SLC38A12: variants seen among roughly 807,000 people sequenced by gnomAD.
SLC38A12 encodes the protein solute carrier family 38 member 12.
the SLC38A12 span, among the ~76,000 whole-genome samples, chr17:74,779,545 C>G: frequency 6.6e-6 from 1 of 152,160 alleles, no homozygotes. Context: ...TTAACTCCCC[C>G]GTCCTGGAAC....
At chr17:74,801,610 C>T in the SLC38A12 span, among the ~76,000 whole-genome samples, 3 of 152,290 alleles carry the variant, frequency 2.0e-5, no homozygotes, top group Admixed American at 6.5e-5. Flanking sequence ...TGTGTTTCTT[C>T]CCCGCACCCC....
chr17:74,835,834 G>GCT, the SLC38A12 span: 1 of 1,505,860 alleles, frequency 6.6e-7, no homozygotes, highest in South Asian at 1.3e-5. Flanking sequence ...TTCTCACAGG[G>GCT]CTCTAGTCCC....
At chr17:74,785,495 A>T in the SLC38A12 span, 1 of 1,612,478 alleles carries the variant, frequency 6.2e-7, no homozygotes, top group Non-Finnish European at 8.5e-7. Flanking sequence ...GGGCTGGTGT[A>T]CATGTTTAAC....
the SLC38A12 span, among the ~76,000 whole-genome samples, chr17:74,833,475 AACCT>A: frequency 6.6e-6 from 1 of 152,206 alleles, no homozygotes; most frequent in Non-Finnish European, 1.5e-5. Flanking sequence ...TTTCTTTGGA[AACCT>A]ACTTTATAAA....
At chr17:74,777,690 C>T in the SLC38A12 span, 32 of 1,142,056 alleles carry the variant, frequency 2.8e-5, no homozygotes, top group Non-Finnish European at 3.4e-5. Context: ...GAGGCTGAAG[C>T]GGGCAGATCA....
chr17:74,829,916 C>T, the SLC38A12 span, among the ~76,000 whole-genome samples: 1 of 152,208 alleles, frequency 6.6e-6, no homozygotes, highest in Non-Finnish European at 1.5e-5. This position sits in a 1 kb window ranked among gnomAD's most constrained non-coding sequence, Gnocchi z 4.1. Flanking sequence ...CAAGGCAGCA[C>T]TGCCTGGGAG....
the SLC38A12 span, chr17:74,819,919 C>A: frequency 3.0e-6 from 4 of 1,343,228 alleles, no homozygotes; most frequent in Non-Finnish European, 3.2e-6. Flanking sequence ...AGAGGCCGTG[C>A]AGGGCCCCCA....
chr17:74,814,247 G>A, the SLC38A12 span, among the ~76,000 whole-genome samples: 41 of 149,230 alleles, frequency 2.7e-4, no homozygotes, highest in African/African-American at 9.7e-4. Context: ...GGGCATCCCA[G>A]GCCCCCTTCC....
At chr17:74,797,944 C>T in the SLC38A12 span, among the ~76,000 whole-genome samples, 1 of 152,232 alleles carries the variant, frequency 6.6e-6, no homozygotes. Flanking sequence ...TCCTTCCCCG[C>T]TGCCCCCTGG....
At chr17:74,809,815 C>A in the SLC38A12 span, among the ~76,000 whole-genome samples, 2 of 152,200 alleles carry the variant, frequency 1.3e-5, no homozygotes, top group African/African-American at 4.8e-5. Flanking sequence ...TCCAGGTTCC[C>A]CAGCATCAGA....
the SLC38A12 span, among the ~76,000 whole-genome samples, chr17:74,828,517 G>A: frequency 6.6e-6 from 1 of 152,194 alleles, no homozygotes; most frequent in Non-Finnish European, 1.5e-5. Context: ...TGAGCGGGCT[G>A]GGGGAGGGGG....
At chr17:74,791,020 C>A in the SLC38A12 span, 9 of 1,613,788 alleles carry the variant, frequency 5.6e-6, no homozygotes, top group South Asian at 9.9e-5. Context: ...AAATGGCCTC[C>A]ATGTTCTTCA....
chr17:74,790,305 TG>T, the SLC38A12 span: 4 of 1,613,514 alleles, frequency 2.5e-6, no homozygotes, highest in Non-Finnish European at 3.4e-6. Flanking sequence ...GCGTAAGTCT[TG>T]GGGTTCTCGC....
the SLC38A12 span, among the ~76,000 whole-genome samples, chr17:74,822,424 C>T: frequency 1.3e-5 from 2 of 152,340 alleles, no homozygotes; most frequent in Non-Finnish European, 2.9e-5. Context: ...ACAGTGGCCT[C>T]GAGAGAGGCT....
At chr17:74,789,845 CAAAAAAAA>C in the SLC38A12 span, among the ~76,000 whole-genome samples, 5 of 47,412 alleles carry the variant, frequency 1.1e-4, no homozygotes, top group Non-Finnish European at 2.1e-4. Flanking sequence ...AACTTCGTCT[CAAAAAAAA>C]AAAAAAAAAA....
the SLC38A12 span, among the ~76,000 whole-genome samples, chr17:74,817,420 G>C: frequency 0.023 from 3,463 of 152,258 alleles, 123 homozygotes; most frequent in African/African-American, 0.078. Context: ...TTCATTGCCA[G>C]TTCCCATGCT....
At chr17:74,817,056 G>A in the SLC38A12 span, among the ~76,000 whole-genome samples, 9 of 138,470 alleles carry the variant, frequency 6.5e-5, no homozygotes, top group East Asian at 2.1e-4. Flanking sequence ...ACACCGTGGC[G>A]TGGCAGCGCA....
chr17:74,833,959 C>T, the SLC38A12 span, among the ~76,000 whole-genome samples: 3 of 152,174 alleles, frequency 2.0e-5, no homozygotes, highest in Non-Finnish European at 4.4e-5. Context: ...TCTGTACCCC[C>T]ACCCCATCCT....
At chr17:74,821,213 G>C in the SLC38A12 span, among the ~76,000 whole-genome samples, 777 of 152,370 alleles carry the variant, frequency 5.1e-3, 2 homozygotes, top group Non-Finnish European at 8.9e-3. Flanking sequence ...CTTGCAAGGA[G>C]ATGAGAGCAG....
Sources: allele counts gnomAD v4.1 joint callset (sites outside exome capture counted in the v4.1 genomes callset), GRCh38; gene constraint gnomAD v4.1.1; non-coding constraint Gnocchi (gnomAD v3.1); transcripts MANE v1.5; gene names NCBI Gene and HGNC (gene_info 2026-07-23, HGNC 2026-07-21).